TAMM41: variants seen among roughly 807,000 people sequenced by gnomAD.
TAMM41 encodes the protein TAM41 mitochondrial translocator assembly and maintenance homolog.
In TAMM41, 36 loss-of-function variants were observed where a neutral mutation model predicts 44.1. That is an observed-to-expected ratio of 0.82 (90% CI 0.63 to 1.08). The LOEUF (loss-of-function observed/expected upper bound fraction) is 1.08, where lower values mean the gene tolerates loss of function less well. Ranked by LOEUF, TAMM41 falls within the 50% of genes least tolerant of loss-of-function variation. The probability of loss-of-function intolerance (pLI) is 0.00; values close to 1 mark genes in which losing one functional copy is unlikely to be tolerated. For missense variants in TAMM41, 417 were observed against 404.3 expected (o/e 1.03, Z -0.27); for synonymous variants, 164 against 153.1 (o/e 1.07, Z -0.53).
At chr3:11,830,464 G>A (rs1357955181) in intron 3 of TAMM41, among the ~76,000 whole-genome samples, 1 of 152,182 alleles carries the variant, frequency 6.6e-6, no homozygotes, top group African/African-American at 2.4e-5. Flanking sequence ...CACAAAGATT[G>A]ACTATAATAA....
At chr3:11,779,159 C>T in the TAMM41 span, among the ~76,000 whole-genome samples, 10 of 152,232 alleles carry the variant, frequency 6.6e-5, no homozygotes, top group South Asian at 1.9e-3. Flanking sequence ...AGCTCTCTCT[C>T]GGGCCATGTG....
intron 3 of TAMM41, among the ~76,000 whole-genome samples, chr3:11,836,095 A>C (rs1282014765): frequency 6.6e-6 from 1 of 150,414 alleles, no homozygotes; most frequent in Non-Finnish European, 1.5e-5. Flanking sequence ...AGTTCCAGCG[A>C]TTCTCCTGCC....
chr3:11,788,673 C>T (rs766250707), downstream of TAMM41, among the ~76,000 whole-genome samples: 7 of 152,148 alleles, frequency 4.6e-5, no homozygotes, highest in Non-Finnish European at 7.3e-5. Flanking sequence ...CAGTGGCTCA[C>T]GCCTGTAATC....
rs148599915 is a variant in TAMM41 at position 11,791,124 on chromosome 3, T to C, written c.938-543A>G. On this transcript the variant is annotated intron_variant, in intron 7 of 7. Transcript: ENST00000455809. ...CAGCATCTGTGCTCACTCAACACACTGTGCAGTACGTGTGGGCCGATTCAC... is the reference window on the plus strand; with the variant it reads ...CAGCATCTGTGCTCACTCAACACACCGTGCAGTACGTGTGGGCCGATTCAC... 5.6e-4 allele frequency among the ~76,000 whole-genome samples: 86 copies of C among 152,316 alleles called. 1 individual carries two copies. The East Asian group carries it at 0.015, about 27-fold the overall frequency.
chr3:11,812,988 T>C (rs902642960), intron 5 of TAMM41, among the ~76,000 whole-genome samples: 1 of 152,154 alleles, frequency 6.6e-6, no homozygotes, highest in African/African-American at 2.4e-5. Context: ...CCCCCAGTCT[T>C]ATTCTTGTAA....
chr3:11,803,964 TTACCTATTGGG>T (rs2124942234), intron 7 of TAMM41, among the ~76,000 whole-genome samples: 1 of 152,176 alleles, frequency 6.6e-6, no homozygotes, highest in South Asian at 2.1e-4. Flanking sequence ...GGTTGGAAAA[TTACCTATTGGG>T]TACAATATTC....
chr3:11,782,200 T>C, the TAMM41 span, among the ~76,000 whole-genome samples: 1 of 152,304 alleles, frequency 6.6e-6, no homozygotes, highest in South Asian at 2.1e-4. Flanking sequence ...CAAATCCCAC[T>C]ATGGGGCTAA....
At chr3:11,809,369 AC>A in intron 6 of TAMM41, 147 bp downstream of exon 6, 1 of 857,500 alleles carries the variant, frequency 1.2e-6, no homozygotes, top group Admixed American at 3.2e-5. Flanking sequence ...GATTTAGAAA[AC>A]CCTCAAATTT....
the TAMM41 span, among the ~76,000 whole-genome samples, chr3:11,742,681 G>A: frequency 6.7e-6 from 1 of 148,970 alleles, no homozygotes; most frequent in Non-Finnish European, 1.5e-5. Flanking sequence ...TTAACTCCTG[G>A]ACTGAAGCAA....
chr3:11,785,225 C>T, the TAMM41 span, among the ~76,000 whole-genome samples: 58 of 152,196 alleles, frequency 3.8e-4, no homozygotes, highest in South Asian at 2.3e-3. Flanking sequence ...GATTGGAGAC[C>T]GTGGTGTCAG....
chr3:11,789,794 C>A (rs898368939), downstream of TAMM41, among the ~76,000 whole-genome samples: 3 of 152,240 alleles, frequency 2.0e-5, no homozygotes, highest in Non-Finnish European at 4.4e-5. Context: ...GCCCTTGAAG[C>A]TGCTGCCAGC....
the TAMM41 span, among the ~76,000 whole-genome samples, chr3:11,745,504 A>G: frequency 1.3e-5 from 2 of 152,372 alleles, no homozygotes; most frequent in South Asian, 4.1e-4. Context: ...TTAAAAAGGA[A>G]GCGAATTCTG....
At chr3:11,828,102 T>C (rs1394527264) in intron 4 of TAMM41, among the ~76,000 whole-genome samples, 1 of 152,190 alleles carries the variant, frequency 6.6e-6, no homozygotes, top group Non-Finnish European at 1.5e-5. Context: ...TGCCAAGGGA[T>C]AGAAACCAAT....
At chr3:11,725,454 C>CCTCCTTCTT in the TAMM41 span, among the ~76,000 whole-genome samples, 742 of 137,816 alleles carry the variant, frequency 5.4e-3, 16 homozygotes, top group African/African-American at 0.019. Context: ...TCCTCCTCCT[C>CCTCCTTCTT]CTTCTTCTTC....
Position 11,846,417 on chromosome 3 carries a change from C to G in TAMM41, c.135+85G>C. ...ACGTGGAGTGTGCAGAGCGGACAGG[C>G]AGCTCTCCGACTCTGAAGGAATCGA... On this transcript the variant is annotated intron_variant, in intron 1 of 7. Coordinates refer to ENST00000455809, the MANE Select transcript of TAMM41 (RefSeq NM_001284401.2). 9 of 1,498,404 alleles carry G rather than the reference C, an allele frequency of 6.0e-6. No individual in the cohort carries two copies. The South Asian group carries it at 1.1e-4, about 18-fold the overall frequency. 92.8% of individuals were successfully genotyped at this position (1,498,404 alleles called of 1,614,324 possible). A position where few individuals can be genotyped will look rare whatever the true frequency, so the allele number is the denominator to read the frequency against.
chr3:11,772,883 A>C, the TAMM41 span, among the ~76,000 whole-genome samples: 1 of 152,214 alleles, frequency 6.6e-6, no homozygotes, highest in Non-Finnish European at 1.5e-5. Flanking sequence ...CTTAAAGAAC[A>C]GGAGGCAGTT....
chr3:11,808,981 A>T (rs1334421356), intron 6 of TAMM41: 1 of 161,344 alleles, frequency 6.2e-6, no homozygotes, highest in Non-Finnish European at 1.3e-5. Flanking sequence ...TGGACTTCCT[A>T]AAGTGTTGGG....
chr3:11,816,070 G>A (rs1317803561), intron 5 of TAMM41, among the ~76,000 whole-genome samples: 1 of 152,006 alleles, frequency 6.6e-6, no homozygotes, highest in Non-Finnish European at 1.5e-5. Context: ...TTCTTTTCTT[G>A]TTTTAAAATA....
At chr3:11,751,454 C>T in the TAMM41 span, among the ~76,000 whole-genome samples, 1 of 152,140 alleles carries the variant, frequency 6.6e-6, no homozygotes, top group African/African-American at 2.4e-5. Flanking sequence ...GATTTGGCCC[C>T]ACGAATAGCA....
Sources: gnomAD v4.1 joint callset for allele counts (sites outside exome capture counted in the v4.1 genomes callset) on GRCh38, gnomAD v4.1.1 for gene constraint, MANE v1.5 for transcripts, NCBI Gene and HGNC (gene_info 2026-07-23, HGNC 2026-07-21) for gene names.